USP24: variants seen among roughly 807,000 people sequenced by gnomAD.
USP24 encodes ubiquitin carboxyl-terminal hydrolase 24.
A neutral mutation model predicts 361.6 loss-of-function variants in USP24; 97 were observed. The observed-to-expected ratio is 0.27, with a 90% CI of 0.23 to 0.32. The LOEUF (loss-of-function observed/expected upper bound fraction) is 0.32. Among genes scored for constraint, USP24 ranks in the 10% least tolerant of loss-of-function variants. USP24 has a pLI of 1.00. For missense variants in USP24, 2,353 were observed against 3,165.6 expected, an observed-to-expected ratio of 0.74 and a Z score of 6.16; for synonymous variants, 1,098 against 1,124.6, an observed-to-expected ratio of 0.98 and a Z score of 0.47.
At chr1:55,093,059 T>C (rs1270171031) in intron 52 of USP24, 143 bp from the exon 53 acceptor site, 2 of 556,136 alleles carry the variant, frequency 3.6e-6, no homozygotes, top group East Asian at 3.5e-5. Context: ...TTCTCAAGTT[T>C]TGAACTTTTA....
At position 55,137,889 on chromosome 1, in the gene USP24, T is replaced by C. The variant is rs773620409; in HGVS notation, c.2944A>G (p.Thr982Ala). The change falls in exon 27 of 68, where the codon ACC becomes GCC. Residue 982 changes from threonine to alanine, a missense_variant. By Grantham distance (58) the Thr-to-Ala change is moderately conservative (BLOSUM62 0). Coordinates refer to ENST00000294383, the MANE Select transcript of USP24 (RefSeq NM_015306.3). ...TFTVEAHSNETIGSVRWKIAK... is the reference protein window; with the variant it reads ...TFTVEAHSNEAIGSVRWKIAK... ...ATTTTCCACCGGACACTCCCTATGG[T>C]TTCATTACTGTGAGCCTGTAAAATA... 7 of 1,590,186 alleles carry C rather than the reference T, an allele frequency of 4.4e-6. No individual in the cohort carries two copies. Among genetic ancestry groups the C allele is most frequent in the South Asian group, 3.4e-5 (3 of 87,764 alleles).
At chr1:55,193,849 A>G (rs572375113) in intron 1 of USP24, among the ~76,000 whole-genome samples, 6 of 152,352 alleles carry the variant, frequency 3.9e-5, no homozygotes, top group African/African-American at 1.4e-4. Flanking sequence ...GTTACTCACC[A>G]GAAGTCACAT....
At position 55,132,801 on chromosome 1, in the gene USP24, T is replaced by C. The variant is rs527698648; in HGVS notation, c.3382-101A>G. 8.0e-5 allele frequency: 95 copies of C among 1,191,578 alleles called. 3 individuals are homozygous for C. In the South Asian group the frequency reaches 8.9e-4, roughly 11 times the overall value. 73.8% of individuals were successfully genotyped at this position (1,191,578 alleles called of 1,614,324 possible). ...CCTAATATTCTTTCCCTCTTTAATA[T>C]AAGCCACACCAATGCTATTTTCTAA... On this transcript the variant is annotated intron_variant, in intron 30 of 67. Transcript: ENST00000294383.
intron 1 of USP24, among the ~76,000 whole-genome samples, chr1:55,195,841 G>C (rs931201073): frequency 6.6e-6 from 1 of 152,122 alleles, no homozygotes; most frequent in African/African-American, 2.4e-5. Context: ...TTTCAGATTT[G>C]CAAGATGAAA....
intron 58 of USP24, among the ~76,000 whole-genome samples, chr1:55,082,369 T>C (rs895530025): frequency 3.9e-5 from 6 of 152,230 alleles, no homozygotes; most frequent in Non-Finnish European, 8.8e-5. Flanking sequence ...TCGTATCAAG[T>C]ACATAATAAG....
At chr1:55,081,988 AAG>A (rs1381176629) in intron 58 of USP24, among the ~76,000 whole-genome samples, 1 of 152,240 alleles carries the variant, frequency 6.6e-6, no homozygotes, top group Non-Finnish European at 1.5e-5. Flanking sequence ...TTGGATATGG[AAG>A]AGTTTGAAGT....
chr1:55,090,547 C>A (rs1368088041), intron 54 of USP24, among the ~76,000 whole-genome samples: 1 of 152,128 alleles, frequency 6.6e-6, no homozygotes, highest in African/African-American at 2.4e-5. Flanking sequence ...TTCTTGACTG[C>A]AAAATCTGTC....
chr1:55,083,633 A>G (rs1039999366), intron 57 of USP24, 139 bp downstream of exon 57: 2 of 734,242 alleles, frequency 2.7e-6, no homozygotes, highest in Non-Finnish European at 4.4e-6. Flanking sequence ...GAATTCTTAC[A>G]AGTAATATAA....
At position 55,072,702 on chromosome 1, in the gene USP24, T is replaced by C. The variant is rs935955049; in HGVS notation, c.7602+84A>G. 193 of 1,304,634 alleles carry C rather than the reference T, an allele frequency of 1.5e-4. 1 individual carries two copies. Among genetic ancestry groups the C allele is most frequent in the Middle Eastern group, 1.9e-4 (1 of 5,398 alleles). 80.8% of individuals were successfully genotyped at this position (1,304,634 alleles called of 1,614,324 possible). On this transcript the variant is annotated intron_variant, in intron 65 of 67. Coordinates refer to ENST00000294383, the MANE Select transcript of USP24 (RefSeq NM_015306.3). Reference sequence around the variant, plus strand: ...GAAAACACTTTAAGGTCAGTCTCCATATTCAGTTCTAGAGATTTTTCCTGA... The same window carrying C: ...GAAAACACTTTAAGGTCAGTCTCCACATTCAGTTCTAGAGATTTTTCCTGA...
At chr1:55,199,283 T>C (rs1374483919) in intron 1 of USP24, among the ~76,000 whole-genome samples, 1 of 151,940 alleles carries the variant, frequency 6.6e-6, no homozygotes, top group African/African-American at 2.4e-5. Flanking sequence ...AGCGAGACTC[T>C]GTTTCCAAAA....
In USP24 at chr1:55,165,929, C is replaced by A; in HGVS notation, c.883G>T (p.Ala295Ser). The change falls in exon 7 of 68, where the codon GCA becomes TCA. Residue 295 changes from alanine to serine, a missense_variant. Transcript: ENST00000294383. ...VNKFGELGGF[A>S]AIQAKLHSED... ...GAATGGAGCTTGGCTTGGATTGCTG[C>A]AAATCCACCTAATTCTCCAAACTGA... 6.2e-7 allele frequency: 1 copy of A among 1,607,420 alleles called. No individual in the cohort carries two copies. The highest frequency in any genetic ancestry group is 1.7e-5 in the Admixed American group (1 of 59,616).
chr1:55,151,042 C>T (rs1279193577), intron 16 of USP24, among the ~76,000 whole-genome samples: 2 of 152,184 alleles, frequency 1.3e-5, no homozygotes, highest in African/African-American at 4.8e-5. Flanking sequence ...GAACTCACTA[C>T]CTCAGAAGGG....
chr1:55,136,868 T>A (rs936492215), intron 28 of USP24, among the ~76,000 whole-genome samples: 1 of 152,146 alleles, frequency 6.6e-6, no homozygotes, highest in Non-Finnish European at 1.5e-5. Context: ...AGTGGATGGA[T>A]CCATTTATTT....
Position 55,137,907 on chromosome 1 carries a change from G to A in USP24, c.2929-3C>T, listed in dbSNP as rs565232905. On this transcript the variant is annotated splice_region_variant and splice_polypyrimidine_tract_variant and intron_variant, in intron 26 of 67. Transcript: ENST00000294383. ...CCTATGGTTTCATTACTGTGAGCCT[G>A]TAAAATAAAATTAAACACGTTGTGA... The A allele has an allele frequency of 9.0e-5, 141 of 1,575,060 alleles. 1 individual carries two copies. In the South Asian group the frequency reaches 1.5e-3, roughly 17 times the overall value.
intron 54 of USP24, among the ~76,000 whole-genome samples, chr1:55,091,456 C>T (rs1312534921): frequency 6.6e-6 from 1 of 152,158 alleles, no homozygotes; most frequent in East Asian, 1.9e-4. Context: ...GGCTGTTGTT[C>T]TAAGGCATTA....
chr1:55,209,086 T>TA (rs1055466142), intron 1 of USP24, among the ~76,000 whole-genome samples: 1 of 150,542 alleles, frequency 6.6e-6, no homozygotes, highest in African/African-American at 2.5e-5. Context: ...AATACAAGCT[T>TA]AAAAAAGGAA....
At chr1:55,072,092 C>G (rs955749869) in intron 66 of USP24, among the ~76,000 whole-genome samples, 168 bp from the exon 67 acceptor site, 2 of 152,076 alleles carry the variant, frequency 1.3e-5, no homozygotes, top group African/African-American at 4.8e-5. Context: ...CTTTTTGTGA[C>G]CAGACTGCCC....
intron 20 of USP24, 149 bp downstream of exon 20, chr1:55,145,849 C>T (rs954840333): frequency 3.4e-6 from 2 of 579,758 alleles, no homozygotes; most frequent in African/African-American, 3.8e-5. Context: ...AATTTGAGTA[C>T]TAAATATGTC....
intron 67 of USP24, among the ~76,000 whole-genome samples, chr1:55,070,044 T>C (rs141886593): frequency 6.6e-6 from 1 of 151,946 alleles, no homozygotes; most frequent in African/African-American, 2.4e-5. Context: ...GAGGGGATCC[T>C]TACAGATGTA....
Sources: allele counts gnomAD v4.1 joint callset (sites outside exome capture counted in the v4.1 genomes callset), GRCh38; gene constraint gnomAD v4.1.1; transcripts MANE v1.5; gene names NCBI Gene and HGNC (gene_info 2026-07-23, HGNC 2026-07-21).